The following FAT3 variants were observed in gnomAD, a reference collection of about 807,000 sequenced individuals.
The protein encoded by FAT3 is FAT atypical cadherin 3.
In FAT3, 95 loss-of-function variants were observed where a neutral mutation model predicts 310.2. The ratio of observed to expected loss-of-function variants is 0.31; its 90% CI spans 0.26 to 0.36. FAT3 has a LOEUF of 0.36. FAT3 is among the 10% of genes least tolerant of loss of function. FAT3 has a pLI of 1.00. For missense variants in FAT3, 5,408 were observed against 5,715.6 expected (o/e 0.95, Z 1.74); for synonymous variants, 2,314 against 2,192.9 (o/e 1.06, Z -1.54).
At position 92,480,730 on chromosome 11, in the gene FAT3, A is replaced by G. The variant is rs528390144; in HGVS notation, c.3293-43904A>G. Among the ~76,000 whole-genome samples the G allele has an allele frequency of 2.6e-5, 4 of 152,312 alleles. No individual in the cohort carries two copies. In the South Asian group the frequency reaches 8.3e-4, roughly 32 times the overall value. ...TTTTGTGTGACTGTAAGTGAACATC[A>G]GTGCTTAGTTATAAGCATTGGGGAG... is the stretch of plus-strand genomic sequence containing the variant. On this transcript the variant is annotated intron_variant, in intron 2 of 27. Coordinates refer to ENST00000525166, the MANE Select transcript of FAT3 (RefSeq NM_001367949.2).
chr11:92,389,373 C>G (rs892553683), intron 2 of FAT3, among the ~76,000 whole-genome samples: 7 of 152,142 alleles, frequency 4.6e-5, no homozygotes. Context: ...TGTTTTCTGT[C>G]CTGATGTCAG....
At chr11:92,682,815 G>C (rs915638056) in intron 3 of FAT3, among the ~76,000 whole-genome samples, 3 of 152,078 alleles carry the variant, frequency 2.0e-5, no homozygotes, top group Non-Finnish European at 4.4e-5. Flanking sequence ...CGGTGGCTCA[G>C]TCCTGTAATC....
intron 2 of FAT3, among the ~76,000 whole-genome samples, chr11:92,377,293 C>T (rs1591193951): frequency 1.3e-5 from 2 of 152,120 alleles, no homozygotes; most frequent in South Asian, 4.1e-4. Context: ...GGGTTATCAG[C>T]CCTATCATCA....
chr11:92,834,454 C>T (rs551085301), intron 14 of FAT3, among the ~76,000 whole-genome samples: 16 of 152,276 alleles, frequency 1.1e-4, no homozygotes, highest in African/African-American at 3.1e-4. Flanking sequence ...TACTTGCTGA[C>T]AAGAATGAGG....
chr11:92,556,321 G>A (rs922186217), intron 3 of FAT3, among the ~76,000 whole-genome samples: 1 of 152,128 alleles, frequency 6.6e-6, no homozygotes, highest in African/African-American at 2.4e-5. Flanking sequence ...CACGTGCCCT[G>A]TGCCTTGCTT....
At chr11:92,732,796 T>C (rs1320029047) in intron 4 of FAT3, among the ~76,000 whole-genome samples, 1 of 152,202 alleles carries the variant, frequency 6.6e-6, no homozygotes, top group Admixed American at 6.5e-5. Flanking sequence ...GGTTAAGCAC[T>C]AGAGGTTAAG....
At position 92,588,323 on chromosome 11, in the gene FAT3, G is replaced by A. The variant is rs564939788; in HGVS notation, c.3607+63375G>A. On this transcript the variant is annotated intron_variant, in intron 3 of 27. Transcript: ENST00000525166. Reference sequence around the variant, plus strand: ...TTTTACAATAAGTTGCTGTTCCAGGGCAGAGATGAATTTTTTTTTCAGTAA... The same window carrying A: ...TTTTACAATAAGTTGCTGTTCCAGGACAGAGATGAATTTTTTTTTCAGTAA... Among the ~76,000 whole-genome samples the A allele has an allele frequency of 2.6e-5, 4 of 151,948 alleles. No individual in the cohort carries two copies. The South Asian group carries it at 8.3e-4, about 32-fold the overall frequency.
chr11:92,535,861 A>AATATTGACT (rs1319180602), intron 3 of FAT3, among the ~76,000 whole-genome samples: 1 of 151,920 alleles, frequency 6.6e-6, no homozygotes, highest in East Asian at 1.9e-4. Flanking sequence ...CGTAGAAGTT[A>AATATTGACT]ATATTGACTG....
At chr11:92,484,282 A>C (rs1193010414) in intron 2 of FAT3, among the ~76,000 whole-genome samples, 1 of 151,948 alleles carries the variant, frequency 6.6e-6, no homozygotes, top group Non-Finnish European at 1.5e-5. Flanking sequence ...TTTATATTTT[A>C]TTTACTTTCT....
At chr11:92,479,616 C>T (rs1184819194) in intron 2 of FAT3, among the ~76,000 whole-genome samples, 5 of 152,142 alleles carry the variant, frequency 3.3e-5, no homozygotes, top group Non-Finnish European at 5.9e-5. Context: ...AAACACTCTT[C>T]TTTATCAAAG....
At chr11:92,536,811 A>G (rs1954274254) in intron 3 of FAT3, among the ~76,000 whole-genome samples, 1 of 152,158 alleles carries the variant, frequency 6.6e-6, no homozygotes, top group Non-Finnish European at 1.5e-5. Context: ...GGGCTAAACA[A>G]AGGACCCTCT....
intron 4 of FAT3, among the ~76,000 whole-genome samples, chr11:92,723,707 G>C (rs1266005971): frequency 2.0e-5 from 3 of 152,172 alleles, no homozygotes; most frequent in Admixed American, 6.5e-5. Context: ...GGCAGAAGGT[G>C]AAAGGCACAT....
chr11:92,789,712 T>C (rs1277580900), intron 7 of FAT3, among the ~76,000 whole-genome samples: 2 of 152,204 alleles, frequency 1.3e-5, no homozygotes, highest in Non-Finnish European at 2.9e-5. Flanking sequence ...CAATTAATAG[T>C]GAGAATATTG....
rs375220581 is a variant in FAT3 at position 92,260,380 on chromosome 11, A to T, written c.-18+35206A>T. On this transcript the variant is annotated intron_variant, in intron 1 of 27. Transcript: ENST00000525166. ...GAAATTTTGCCCTATGGGGAAAAGG[A>T]AGAGAAGAAATCTTTATCAGCTTTC... 1.2e-3 allele frequency among the ~76,000 whole-genome samples: 183 copies of T among 152,234 alleles called. 5 individuals are homozygous for T. In the South Asian group the frequency reaches 0.036, roughly 30 times the overall value.
intron 2 of FAT3, among the ~76,000 whole-genome samples, chr11:92,510,354 G>C (rs1027553186): frequency 3.3e-5 from 5 of 152,056 alleles, no homozygotes; most frequent in African/African-American, 1.2e-4. Context: ...GCTGTGTATG[G>C]TGGTTATGCA....
intron 3 of FAT3, among the ~76,000 whole-genome samples, chr11:92,659,141 A>G (rs1031603337): frequency 1.3e-5 from 2 of 152,190 alleles, no homozygotes; most frequent in African/African-American, 4.8e-5. Flanking sequence ...TAACCTTGCC[A>G]GAGGGAAGGT....
At chr11:92,660,194 T>C (rs1397645955) in intron 3 of FAT3, among the ~76,000 whole-genome samples, 1 of 151,924 alleles carries the variant, frequency 6.6e-6, no homozygotes, top group Non-Finnish European at 1.5e-5. Context: ...TATTTATTAT[T>C]ATTATTGGCA....
chr11:92,695,585 C>G (rs1021415997), intron 3 of FAT3, among the ~76,000 whole-genome samples: 2 of 152,126 alleles, frequency 1.3e-5, no homozygotes, highest in African/African-American at 4.8e-5. Context: ...AAACACATTC[C>G]AAGTCTGTAG....
intron 22 of FAT3, among the ~76,000 whole-genome samples, chr11:92,869,278 G>A (rs1011915621): frequency 6.6e-6 from 1 of 152,174 alleles, no homozygotes; most frequent in Non-Finnish European, 1.5e-5. Flanking sequence ...CCGCACCAAG[G>A]CTACTCCCAA....
Sources: allele counts gnomAD v4.1 joint callset (sites outside exome capture counted in the v4.1 genomes callset), GRCh38; gene constraint gnomAD v4.1.1; transcripts MANE v1.5; gene names NCBI Gene and HGNC (gene_info 2026-07-23, HGNC 2026-07-21).